AOPEP: variants seen among roughly 807,000 people sequenced by gnomAD.
AOPEP encodes the protein aminopeptidase O.
A neutral mutation model predicts 98.1 loss-of-function variants in AOPEP; 77 were observed. The ratio of observed to expected loss-of-function variants is 0.78; its 90% CI spans 0.65 to 0.95. The LOEUF (loss-of-function observed/expected upper bound fraction) is 0.95. AOPEP is among the 40% of genes least tolerant of loss of function. AOPEP has a pLI of 0.00. For missense variants in AOPEP, 1,024 were observed against 1,024.7 expected, an observed-to-expected ratio of 1.00 and a Z score of 0.01; for synonymous variants, 346 against 365.3, an observed-to-expected ratio of 0.95 and a Z score of 0.60.
chr9:95,111,473 GCT>G, the AOPEP span: 1 of 1,613,132 alleles, frequency 6.2e-7, no homozygotes, highest in Non-Finnish European at 8.5e-7. Flanking sequence ...CATAGTCTGT[GCT>G]CTCTGCTGCC....
intron 13 of AOPEP, among the ~76,000 whole-genome samples, chr9:95,015,938 G>C (rs1431250507): frequency 1.3e-5 from 2 of 152,182 alleles, no homozygotes; most frequent in Non-Finnish European, 2.9e-5. Context: ...CTGACCTCAA[G>C]TGATCCGCCT....
intron 11 of AOPEP, among the ~76,000 whole-genome samples, chr9:95,002,076 G>A (rs182062468): frequency 1.5e-3 from 234 of 152,210 alleles, no homozygotes; most frequent in African/African-American, 5.1e-3. Flanking sequence ...ACCGTGCACA[G>A]CCTGTTTATA....
At chr9:94,983,703 G>A (rs1324991066) in intron 11 of AOPEP, among the ~76,000 whole-genome samples, 5 of 152,014 alleles carry the variant, frequency 3.3e-5, no homozygotes, top group Non-Finnish European at 5.9e-5. Context: ...CACGACTGTC[G>A]GTGCACAGGT....
At chr9:95,131,069 A>G in the AOPEP span, among the ~76,000 whole-genome samples, 1 of 152,190 alleles carries the variant, frequency 6.6e-6, no homozygotes, top group Non-Finnish European at 1.5e-5. Context: ...TTTCTTTTTA[A>G]TCTTTACCAG....
At chr9:94,801,511 A>G (rs1848210222) in intron 5 of AOPEP, among the ~76,000 whole-genome samples, 1 of 152,240 alleles carries the variant, frequency 6.6e-6, no homozygotes, top group Admixed American at 6.5e-5. Context: ...GGATCAGTGT[A>G]AATCTATCCC....
chr9:95,107,571 T>C, the AOPEP span: 1 of 492,748 alleles, frequency 2.0e-6, no homozygotes, highest in Non-Finnish European at 3.7e-6. Context: ...GTCAGATTTT[T>C]ATATTGTGGG....
chr9:94,923,948 A>T (rs886702149), intron 5 of AOPEP, 38 bp from the exon 6 acceptor site: 1 of 1,342,002 alleles, frequency 7.5e-7, no homozygotes, highest in Admixed American at 3.4e-5. Flanking sequence ...GACAGGCTCT[A>T]ACAAGACTCT....
intron 5 of AOPEP, among the ~76,000 whole-genome samples, chr9:94,823,556 A>T (rs992285579): frequency 6.6e-6 from 1 of 152,136 alleles, no homozygotes; most frequent in Non-Finnish European, 1.5e-5. Context: ...GAAGTCTCTT[A>T]ACTGGCAAGC....
chr9:95,014,639 A>T (rs1186447434), intron 13 of AOPEP, among the ~76,000 whole-genome samples: 1 of 152,218 alleles, frequency 6.6e-6, no homozygotes, highest in East Asian at 1.9e-4. Flanking sequence ...GGATCTCTGC[A>T]TCTACTCATG....
chr9:95,123,552 C>A, the AOPEP span: 10 of 541,506 alleles, frequency 1.8e-5, 1 homozygote, highest in South Asian at 1.3e-4. Flanking sequence ...AACGGTCGTA[C>A]CAAAAAGGGC....
At chr9:94,885,968 C>A (rs545118281) in intron 5 of AOPEP, among the ~76,000 whole-genome samples, 3 of 152,228 alleles carry the variant, frequency 2.0e-5, no homozygotes, top group Non-Finnish European at 2.9e-5. Context: ...GTTCTCTGTT[C>A]AGTAACGAAC....
chr9:94,761,332 T>C (rs547867905), intron 2 of AOPEP, among the ~76,000 whole-genome samples: 16 of 152,360 alleles, frequency 1.1e-4, no homozygotes, highest in African/African-American at 3.8e-4. Context: ...CTTTTTCTTA[T>C]TGTCTTTCCT....
At chr9:95,119,746 C>T in the AOPEP span, among the ~76,000 whole-genome samples, 1 of 151,752 alleles carries the variant, frequency 6.6e-6, no homozygotes, top group Non-Finnish European at 1.5e-5. Context: ...TGGTTTCACT[C>T]TGTTGCCCAA....
intron 11 of AOPEP, among the ~76,000 whole-genome samples, chr9:94,983,047 A>T (rs1368670810): frequency 6.6e-6 from 1 of 151,620 alleles, no homozygotes; most frequent in East Asian, 1.9e-4. Flanking sequence ...GTTTTTTTTG[A>T]GACAGAGTCT....
chr9:95,006,210 A>G (rs2062005565), intron 13 of AOPEP: 1 of 400,558 alleles, frequency 2.5e-6, no homozygotes, highest in Non-Finnish European at 5.2e-6. Flanking sequence ...ATATCATGAA[A>G]TAAGGTAAGT....
intron 13 of AOPEP, among the ~76,000 whole-genome samples, chr9:95,034,115 C>T (rs1252254603): frequency 1.3e-5 from 2 of 152,132 alleles, no homozygotes; most frequent in Non-Finnish European, 2.9e-5. Context: ...TGAGTCCTGA[C>T]GTTGATACTG....
At chr9:94,813,700 C>CT (rs1398392112) in intron 5 of AOPEP, among the ~76,000 whole-genome samples, 1 of 152,212 alleles carries the variant, frequency 6.6e-6, no homozygotes, top group Non-Finnish European at 1.5e-5. Flanking sequence ...GCCTGGGCTT[C>CT]TATAGCTCTT....
the AOPEP span, chr9:95,107,535 CAG>C: frequency 3.6e-6 from 2 of 558,502 alleles, no homozygotes; most frequent in Admixed American, 6.1e-5. Context: ...TAAAAGGAAA[CAG>C]AGAAAAGTTC....
At chr9:94,982,490 T>A (rs2060247003) in intron 11 of AOPEP, among the ~76,000 whole-genome samples, 1 of 152,024 alleles carries the variant, frequency 6.6e-6, no homozygotes, top group Non-Finnish European at 1.5e-5. Context: ...AGTCTTATCT[T>A]CCAAACTAAG....
Sources: gnomAD v4.1 joint callset for allele counts (sites outside exome capture counted in the v4.1 genomes callset) on GRCh38, gnomAD v4.1.1 for gene constraint, MANE v1.5 for transcripts, NCBI Gene and HGNC (gene_info 2026-07-23, HGNC 2026-07-21) for gene names.